The following ELL2 variants were observed in gnomAD, a reference collection of about 807,000 sequenced individuals.
ELL2 encodes the protein elongation factor for RNA polymerase II 2.
A neutral mutation model predicts 72.8 loss-of-function variants in ELL2; 21 were observed. The observed-to-expected ratio is 0.29, with a 90% CI of 0.20 to 0.42. ELL2 has a LOEUF of 0.42. ELL2 is among the 10% of genes least tolerant of loss of function. The pLI is 1.00. For synonymous variants in ELL2, 266 were observed against 283.2 expected (o/e 0.94, Z 0.61); for missense variants, 568 against 772.8 (o/e 0.73, Z 3.14).
chr5:95,956,040 A>G (rs1362429343), intron 1 of ELL2, among the ~76,000 whole-genome samples: 1 of 152,204 alleles, frequency 6.6e-6, no homozygotes, highest in Non-Finnish European at 1.5e-5. Context: ...TCACAAGTGC[A>G]AATGGAGCAA....
At position 95,900,728 on chromosome 5, in the gene ELL2, C is replaced by T; in HGVS notation, c.919G>A (p.Val307Ile). The T allele has an allele frequency of 6.2e-7, 1 of 1,608,050 alleles. No homozygotes were observed. Among genetic ancestry groups the T allele is most frequent in the East Asian group, 2.2e-5 (1 of 44,838 alleles). Residue 307 changes from valine to isoleucine, a missense_variant, in exon 7 of 12, where the codon GTA becomes ATA. Physicochemically the swap from Val to Ile is conservative, Grantham distance 29. Transcript: ENST00000237853. ...AAGTSRSESP[V>I]CSSRDAVSSP... The stretch of plus-strand genomic sequence containing the variant: ...GATACAGCGTCTCTACTAGAACATA[C>T]AGGAGATTCTGAACGGCTGGTGCCT...
At chr5:95,941,384 T>C (rs1401478576) in intron 2 of ELL2, among the ~76,000 whole-genome samples, 1 of 152,010 alleles carries the variant, frequency 6.6e-6, no homozygotes, top group Non-Finnish European at 1.5e-5. Context: ...GAAAAGGTGG[T>C]CTAAGATTTC....
intron 1 of ELL2, among the ~76,000 whole-genome samples, chr5:95,950,947 TATATATAAAA>T (rs1751371987): frequency 9.7e-6 from 1 of 102,946 alleles, no homozygotes; most frequent in African/African-American, 4.0e-5. Flanking sequence ...TATATATATA[TATATATAAAA>T]TCTTCATATA....
intron 3 of ELL2, among the ~76,000 whole-genome samples, chr5:95,915,957 C>T (rs1749777974): frequency 6.6e-6 from 1 of 151,742 alleles, no homozygotes; most frequent in Admixed American, 6.6e-5. Context: ...GAAAATAACT[C>T]ATTTGTATTG....
In ELL2 at chr5:95,887,458, A is replaced by G. The variant is rs1012407985; in HGVS notation, c.*1413T>C. 2 of 152,656 alleles carry G rather than the reference A, an allele frequency of 1.3e-5. No individual in the cohort carries two copies. The highest frequency in any genetic ancestry group is 2.4e-5 in the African/African-American group (1 of 41,458). The allele number at this position is 152,656 out of a possible 1,614,324, so 9.5% of individuals were successfully genotyped here. ...TACCAAAATTTTGGCAAACATTTCA[A>G]AACAGATTTGTAAACATAATGCTTC... On this transcript the variant is annotated 3_prime_UTR_variant, in exon 12 of 12. Transcript: ENST00000237853.
At position 95,898,666 on chromosome 5, in the gene ELL2, G is replaced by A. The variant is rs576028985; in HGVS notation, c.1099C>T (p.Pro367Ser). ...EKSAAGLPLP[P>S]AAAAIPTPPP... ...GGGGTAGGGATGGCAGCAGCCGCAG[G>A]GGGCAGCGGGAGGCCTGCAGCAGAT... The change falls in exon 8 of 12, where the codon CCT (proline) becomes TCT (serine). Residue 367 changes from proline to serine, a missense_variant. Coordinates refer to ENST00000237853, the MANE Select transcript of ELL2 (RefSeq NM_012081.6). 8 of 1,613,132 alleles carry A rather than the reference G, an allele frequency of 5.0e-6. No individual in the cohort carries two copies. The highest frequency in any genetic ancestry group is 6.8e-6 in the Non-Finnish European group (8 of 1,179,436).
Position 95,906,758 on chromosome 5 carries a change from G to A in ELL2, c.506C>T (p.Ala169Val), listed in dbSNP as rs377269378. ...YVGKRVQIRKAPQAVSDTVPE... is the reference protein window; with the variant it reads ...YVGKRVQIRKVPQAVSDTVPE... ...AACTGTATCTGAAACAGCTTGAGGT[G>A]CTTTCCGAATTTGCACTCTTTTCCC... The change falls in exon 5 of 12, where the codon GCA becomes GTA. Residue 169 changes from alanine to valine, a missense_variant. Physicochemically the swap from Ala to Val is moderately conservative, Grantham distance 64 (BLOSUM62 0). Around this residue, in one of 2 missense-constraint regions of ELL2, gnomAD observed 511 missense variants for 728.4 expected, o/e 0.70. Transcript: ENST00000237853. The A allele has an allele frequency of 1.2e-6, 2 of 1,611,570 alleles. No homozygotes were observed. The highest frequency in any genetic ancestry group is 2.2e-5 in the East Asian group (1 of 44,784).
intron 3 of ELL2, among the ~76,000 whole-genome samples, chr5:95,917,805 G>A (rs1337924978): frequency 6.6e-6 from 1 of 152,168 alleles, no homozygotes; most frequent in Non-Finnish European, 1.5e-5. Flanking sequence ...TATAATGTAA[G>A]AGTAAAGCCA....
intron 4 of ELL2, among the ~76,000 whole-genome samples, chr5:95,910,810 G>A (rs1749561019): frequency 6.6e-6 from 1 of 152,138 alleles, no homozygotes; most frequent in Non-Finnish European, 1.5e-5. Context: ...CTCGAAGCTG[G>A]CATAGGTAAA....
chr5:95,939,770 T>C (rs189556874), intron 2 of ELL2, among the ~76,000 whole-genome samples: 1 of 152,350 alleles, frequency 6.6e-6, no homozygotes, highest in East Asian at 1.9e-4. Flanking sequence ...GATACAACTA[T>C]CTTGATTTTT....
At position 95,898,634 on chromosome 5, in the gene ELL2, C is replaced by A. The variant is rs1012804207; in HGVS notation, c.1131G>T (p.Pro377=). The A allele has an allele frequency of 5.0e-6, 8 of 1,611,378 alleles. No homozygotes were observed. In the African/African-American group the frequency reaches 1.1e-4, roughly 22 times the overall value. ...PAAAAIPTPP[P]LPSTYLPISH... Reference sequence around the variant, plus strand: ...AGATGGGCAGATAGGTTGAAGGCAGCGGTGGAGGGGTAGGGATGGCAGCAG... The same window carrying A: ...AGATGGGCAGATAGGTTGAAGGCAGAGGTGGAGGGGTAGGGATGGCAGCAG... Residue 377 remains proline (P), a synonymous_variant, in exon 8 of 12, where the codon CCG becomes CCT. Transcript: ENST00000237853.
chr5:95,914,632 T>C (rs191373830), intron 3 of ELL2, among the ~76,000 whole-genome samples: 107 of 152,216 alleles, frequency 7.0e-4, no homozygotes, highest in African/African-American at 2.4e-3. Flanking sequence ...GGCAGGTGGA[T>C]TGCTTGAGTT....
At chr5:95,937,346 T>C (rs1750813377) in intron 2 of ELL2, among the ~76,000 whole-genome samples, 1 of 152,200 alleles carries the variant, frequency 6.6e-6, no homozygotes, top group South Asian at 2.1e-4. Context: ...CTAGACCGAG[T>C]ACTCTAGTCA....
chr5:95,958,146 G>T (rs1003289126), intron 1 of ELL2, among the ~76,000 whole-genome samples: 1 of 152,078 alleles, frequency 6.6e-6, no homozygotes, highest in African/African-American at 2.4e-5. Context: ...GAATGGTGGC[G>T]GACAGTTTTA....
At chr5:95,903,687 C>G (rs1749234848) in intron 5 of ELL2, among the ~76,000 whole-genome samples, 2 of 152,142 alleles carry the variant, frequency 1.3e-5, no homozygotes, top group African/African-American at 2.4e-5. Context: ...AATATATATG[C>G]TGCTAATTCC....
chr5:95,930,919 T>A (rs202044410), intron 2 of ELL2, among the ~76,000 whole-genome samples: 3 of 151,136 alleles, frequency 2.0e-5, no homozygotes, highest in Non-Finnish European at 2.9e-5. Context: ...ATTTTTTTTT[T>A]ATGAGAATTG....
chr5:95,889,150 A>G lies in ELL2; in HGVS notation c.1762-20T>C. The G allele has an allele frequency of 6.3e-7, 1 of 1,578,778 alleles. No individual in the cohort carries two copies. The highest frequency in any genetic ancestry group is 8.7e-7 in the Non-Finnish European group (1 of 1,154,556). ...AACATTCTACAAAATTAAATATTAG[A>G]AATCAGAAGAGAACAACTTCTTTTG... is the stretch of plus-strand genomic sequence containing the variant. On this transcript the variant is annotated intron_variant, in intron 10 of 11. Transcript: ENST00000237853.
intron 2 of ELL2, among the ~76,000 whole-genome samples, chr5:95,927,369 A>ACACACACACACACACG (rs1750324076): frequency 1.0e-5 from 1 of 97,468 alleles, no homozygotes; most frequent in African/African-American, 6.0e-5. Flanking sequence ...ATATATAGAC[A>ACACACACACACACACG]TACACACACA....
intron 8 of ELL2, among the ~76,000 whole-genome samples, chr5:95,896,737 T>C (rs535479804): frequency 1.1e-4 from 17 of 152,316 alleles, no homozygotes; most frequent in Admixed American, 7.2e-4. Context: ...TTCCTAACTT[T>C]GTAATTATCG....
Sources: allele counts gnomAD v4.1 joint callset (sites outside exome capture counted in the v4.1 genomes callset), GRCh38; gene constraint gnomAD v4.1.1; regional missense constraint gnomAD v4.1.1; transcripts MANE v1.5; gene names NCBI Gene and HGNC (gene_info 2026-07-23, HGNC 2026-07-21).